The following TNRC18 variants were observed in gnomAD, a reference collection of about 807,000 sequenced individuals.
TNRC18 encodes the protein trinucleotide repeat-containing gene 18 protein.
Under a neutral mutation model 226.7 loss-of-function variants are expected in TNRC18, and 69 were observed. The ratio of observed to expected loss-of-function variants is 0.30; its 90% CI spans 0.25 to 0.37. The LOEUF is 0.37. Among genes scored for constraint, TNRC18 ranks in the 10% least tolerant of loss-of-function variants. The probability of loss-of-function intolerance (pLI) is 1.00; values close to 1 mark genes in which losing one functional copy is unlikely to be tolerated. For synonymous variants in TNRC18, 2,449 were observed against 1,927.6 expected (o/e 1.27, Z -7.09); for missense variants, 4,754 against 4,256.6 (o/e 1.12, Z -3.25).
In TNRC18 at chr7:5,312,615, G is replaced by A; in HGVS notation, c.8276C>T (p.Thr2759Ile). The change falls in exon 27 of 30, where the codon ACC (threonine) becomes ATC (isoleucine). Residue 2759 changes from threonine (T) to isoleucine (I), a missense_variant. By Grantham distance (89) the Thr-to-Ile change is moderately conservative. Coordinates refer to ENST00000430969, the MANE Select transcript of TNRC18 (RefSeq NM_001080495.3). This position sits in a 1 kb window ranked among gnomAD's most constrained non-coding sequence, Gnocchi z 6.3. ...PKKREGVHLP[T>I]TKELAKRQRL... is the part of the protein sequence containing the mutation. Reference sequence around the variant, plus strand: ...CTGCCGCTTGGCCAGCTCCTTGGTGGTGGGGAGGTGGACGCCCTCTCTCTT... The same window carrying A: ...CTGCCGCTTGGCCAGCTCCTTGGTGATGGGGAGGTGGACGCCCTCTCTCTT... 1 of 1,610,642 alleles carries A rather than the reference G, an allele frequency of 6.2e-7. No homozygotes were observed. Among genetic ancestry groups the A allele is most frequent in the Non-Finnish European group, 8.5e-7 (1 of 1,179,264 alleles).
chr7:5,373,987 A>G lies in TNRC18; in HGVS notation c.3229+68T>C, dbSNP rs1049076056. 4.7e-6 allele frequency: 6 copies of G among 1,277,922 alleles called. No homozygotes were observed. The African/African-American group carries it at 7.8e-5, about 17-fold the overall frequency. The allele number at this position is 1,277,922 out of a possible 1,614,324, so 79.2% of individuals were successfully genotyped here. Reference sequence around the variant, plus strand: ...ACGAACGATCGAACGGGTCAATGAAAAGATGGATGAGCAGTTTTACCGCTC... The same window carrying G: ...ACGAACGATCGAACGGGTCAATGAAGAGATGGATGAGCAGTTTTACCGCTC... On this transcript the variant is annotated intron_variant, in intron 10 of 29. Transcript: ENST00000430969.
intron 1 of TNRC18, chr7:5,422,742 T>G (rs1782656001): frequency 1.3e-5 from 2 of 152,218 alleles, no homozygotes; most frequent in Non-Finnish European, 2.9e-5. Context: ...GGGTGCCTAT[T>G]TTAACCCGGT....
At chr7:5,339,752 T>G in intron 18 of TNRC18, among the ~76,000 whole-genome samples, 1 of 151,560 alleles carries the variant, frequency 6.6e-6, no homozygotes, top group East Asian at 1.9e-4. Flanking sequence ...GTATTTTTAG[T>G]AGAGATGGGG....
rs759922155 is a variant in TNRC18 at position 5,313,710 on chromosome 7, G to A, written c.7181C>T (p.Pro2394Leu). The change falls in exon 27 of 30, where the codon CCG becomes CTG. Residue 2394 changes from proline to leucine, a missense_variant. Physicochemically the swap from Pro to Leu is moderately conservative, Grantham distance 98. Coordinates refer to ENST00000430969, the MANE Select transcript of TNRC18 (RefSeq NM_001080495.3). ...AKAPKARPAPPQPSPAPPAFT... is the reference protein window; with the variant it reads ...AKAPKARPAPLQPSPAPPAFT... ...GGCGGGTGGTGCGGGACTGGGCTGC[G>A]GCGGTGCCGGGCGCGCCTTGGGGGC... 25 of 1,588,314 alleles carry A rather than the reference G, an allele frequency of 1.6e-5. No individual in the cohort carries two copies. Among genetic ancestry groups the A allele is most frequent in the South Asian group, 3.4e-5 (3 of 87,304 alleles).
At chr7:5,379,126 G>A (rs1417531287) in intron 5 of TNRC18, among the ~76,000 whole-genome samples, 1 of 152,044 alleles carries the variant, frequency 6.6e-6, no homozygotes, top group Non-Finnish European at 1.5e-5. Context: ...GAACTCAGGA[G>A]GCAGAGGTTG....
At chr7:5,407,291 G>A (rs941907680) in intron 2 of TNRC18, 1 of 152,332 alleles carries the variant, frequency 6.6e-6, no homozygotes, top group Admixed American at 6.5e-5. Flanking sequence ...CCAGAACCAG[G>A]ACCAAGACTG....
chr7:5,320,698 C>A (rs1442445177), intron 22 of TNRC18, 91 bp from the exon 23 acceptor site: 1 of 1,086,304 alleles, frequency 9.2e-7, no homozygotes, highest in Non-Finnish European at 1.4e-6. Flanking sequence ...TCCTAGACCA[C>A]TGGGAGGTAA....
At chr7:5,380,713 T>G (rs1779340554) in intron 5 of TNRC18, among the ~76,000 whole-genome samples, 1 of 152,162 alleles carries the variant, frequency 6.6e-6, no homozygotes, top group African/African-American at 2.4e-5. Flanking sequence ...GCCCTGCCTG[T>G]GGACCTCACG....
At chr7:5,340,913 G>T (rs1021660677) in intron 18 of TNRC18, among the ~76,000 whole-genome samples, 15 of 152,170 alleles carry the variant, frequency 9.9e-5, no homozygotes, top group Admixed American at 9.2e-4. Flanking sequence ...GGACAAAACA[G>T]CCTTCTAAGA....
intron 18 of TNRC18, among the ~76,000 whole-genome samples, chr7:5,339,081 T>C (rs1790408486): frequency 6.6e-6 from 1 of 151,850 alleles, no homozygotes; most frequent in Non-Finnish European, 1.5e-5. Context: ...GCAGATCACT[T>C]GAGATCAGGA....
Position 5,374,158 on chromosome 7 carries a change from G to C in TNRC18, c.3126C>G (p.Thr1042=). 4.7e-6 allele frequency: 7 copies of C among 1,493,960 alleles called. No homozygotes were observed. The highest frequency in any genetic ancestry group is 2.6e-5 in the East Asian group (1 of 38,912). 92.5% of individuals were successfully genotyped at this position (1,493,960 alleles called of 1,614,324 possible). A position where few individuals can be genotyped will look rare whatever the true frequency, so the allele number is the denominator to read the frequency against. The change falls in exon 10 of 30, where the codon ACC becomes ACG. Residue 1042 remains threonine, a synonymous_variant. Coordinates refer to ENST00000430969, the MANE Select transcript of TNRC18 (RefSeq NM_001080495.3). The part of the protein sequence containing the change: ...TSPPPASPPP[T]PGITRKEEAP... ...CCTCCTCCTTGCGGGTGATACCCGG[G>C]GTGGGCGGTGGGGAGGCGGGCGGCG...
chr7:5,378,639 C>T (rs1276499291), intron 5 of TNRC18, among the ~76,000 whole-genome samples: 1 of 151,634 alleles, frequency 6.6e-6, no homozygotes, highest in Non-Finnish European at 1.5e-5. Flanking sequence ...AGGATGGTCT[C>T]GATCTCCTGA....
At chr7:5,336,354 G>A (rs959626086) in intron 18 of TNRC18, among the ~76,000 whole-genome samples, 1 of 152,104 alleles carries the variant, frequency 6.6e-6, no homozygotes, top group Non-Finnish European at 1.5e-5. Context: ...TCCTCAAAGA[G>A]GTGAAATAAA....
At chr7:5,383,163 A>G (rs1779517335) in intron 5 of TNRC18, among the ~76,000 whole-genome samples, 1 of 152,152 alleles carries the variant, frequency 6.6e-6, no homozygotes, top group African/African-American at 2.4e-5. Context: ...TTGGCCTCCC[A>G]AAGAGCTGGG....
intron 16 of TNRC18, among the ~76,000 whole-genome samples, chr7:5,355,496 G>A (rs1188651660): frequency 6.6e-6 from 1 of 152,196 alleles, no homozygotes; most frequent in Non-Finnish European, 1.5e-5. Flanking sequence ...GTGCGCCTAT[G>A]GTCCCAGCTA....
At chr7:5,349,139 G>C (rs924069716) in intron 17 of TNRC18, among the ~76,000 whole-genome samples, 2 of 152,214 alleles carry the variant, frequency 1.3e-5, no homozygotes, top group South Asian at 4.1e-4. Context: ...CCACGCCAGA[G>C]CCCAGAAAGC....
At chr7:5,370,181 G>C (rs1163760001) in intron 11 of TNRC18, among the ~76,000 whole-genome samples, 194 bp downstream of exon 11, 5 of 151,946 alleles carry the variant, frequency 3.3e-5, no homozygotes, top group African/African-American at 1.2e-4. Flanking sequence ...AAGTTAGCTG[G>C]GCATGGTGGT....
intron 21 of TNRC18, among the ~76,000 whole-genome samples, chr7:5,321,835 C>T (rs1318272872): frequency 6.6e-6 from 1 of 151,778 alleles, no homozygotes; most frequent in Non-Finnish European, 1.5e-5. Context: ...CCAGGCCCGG[C>T]TAATTTTTGT....
intron 2 of TNRC18, among the ~76,000 whole-genome samples, chr7:5,402,986 C>G (rs1042286003): frequency 6.6e-6 from 1 of 152,000 alleles, no homozygotes; most frequent in Non-Finnish European, 1.5e-5. Flanking sequence ...CTCCTGTCAA[C>G]GGGGAGAGGG....
Sources: gnomAD v4.1 joint callset for allele counts (sites outside exome capture counted in the v4.1 genomes callset) on GRCh38, gnomAD v4.1.1 for gene constraint, Gnocchi (gnomAD v3.1) non-coding constraint, MANE v1.5 for transcripts, NCBI Gene and HGNC (gene_info 2026-07-23, HGNC 2026-07-21) for gene names.